Variants in BCAR1 observed in about 807,000 individuals in gnomAD.
BCAR1 encodes the protein breast cancer anti-estrogen resistance protein 1.
BCAR1 carries 30 observed loss-of-function variants against 67.6 expected under a neutral mutation model. The observed-to-expected ratio is 0.44, with a 90% CI of 0.33 to 0.60. BCAR1 has a LOEUF of 0.60. BCAR1 is among the 20% of genes least tolerant of loss of function. The probability of loss-of-function intolerance (pLI) is 0.02; values close to 1 mark genes in which losing one functional copy is unlikely to be tolerated. For synonymous variants in BCAR1, 626 were observed against 556.7 expected, an observed-to-expected ratio of 1.12 and a Z score of -1.75; for missense variants, 1,313 against 1,222.3, an observed-to-expected ratio of 1.07 and a Z score of -1.11.
intron 1 of BCAR1, chr16:75,249,509 C>CA (rs1454007003): frequency 6.6e-6 from 1 of 152,320 alleles, no homozygotes; most frequent in East Asian, 1.9e-4. Flanking sequence ...GAGGCTTGCC[C>CA]AGTGTCTTTG....
At chr16:75,251,368 C>G in intron 1 of BCAR1, 103 bp downstream of exon 1, 1 of 1,424,954 alleles carries the variant, frequency 7.0e-7, no homozygotes, top group Non-Finnish European at 9.3e-7. Context: ...CCGGCGGTTC[C>G]CAGGCCCCGC....
intron 1 of BCAR1, chr16:75,248,787 G>C (rs2077595791): frequency 6.5e-6 from 1 of 153,022 alleles, no homozygotes; most frequent in African/African-American, 2.4e-5. Context: ...GAGAGGATGA[G>C]GCCGGGAAGG....
At chr16:75,248,416 C>A in intron 1 of BCAR1, 3 of 1,111,082 alleles carry the variant, frequency 2.7e-6, no homozygotes, top group Non-Finnish European at 3.4e-6. Flanking sequence ...CCTCCGTGGC[C>A]AACGGATGCA....
upstream of BCAR1, among the ~76,000 whole-genome samples, chr16:75,256,515 G>A (rs368994436): frequency 1.9e-4 from 15 of 80,630 alleles, no homozygotes; most frequent in African/African-American, 6.3e-4. Flanking sequence ...CAGCACGGAT[G>A]GGGGGGGGTG....
At chr16:75,233,807 G>T in intron 6 of BCAR1, 39 bp downstream of exon 6, 2 of 1,553,766 alleles carry the variant, frequency 1.3e-6, no homozygotes, top group Non-Finnish European at 8.7e-7. Flanking sequence ...CAGGGGGTCA[G>T]CGGGCAAAGC....
Position 75,235,874 on chromosome 16 carries a change from G to A in BCAR1, c.1025C>T (p.Ala342Val). 3 of 1,563,296 alleles carry A rather than the reference G, an allele frequency of 1.9e-6. No homozygotes were observed. Among genetic ancestry groups the A allele is most frequent in the South Asian group, 2.3e-5 (2 of 85,920 alleles). The change falls in exon 5 of 7, where the codon GCC (alanine) becomes GTC (valine). Residue 342 changes from alanine to valine, a missense_variant. By Grantham distance (64) the Ala-to-Val change is moderately conservative. This residue lies in a region of BCAR1 where 1,272 missense variants were observed against 1,137.5 expected (regional missense o/e 1.12). Coordinates refer to ENST00000162330, the MANE Select transcript of BCAR1 (RefSeq NM_014567.5). ...CGCAGCCAGTACCAGTGGGGTGCGG[G>A]CCGGGTCAAAGGGCTTGGCCTTGGC... ...AFAKAKPFDP[A>V]RTPLVLAAPP...
rs747009517 is a variant in BCAR1, at chr16:75,237,168, G to A, written c.795+15C>T. ...TGCCGCCCTGCCCTCCCACCGCTGC[G>A]CACCCCACACCTACCTCCTGGCCAT... is the stretch of plus-strand genomic sequence containing the variant. On this transcript the variant is annotated intron_variant, in intron 3 of 6. Coordinates refer to ENST00000162330, the MANE Select transcript of BCAR1 (RefSeq NM_014567.5). 6.2e-5 allele frequency: 96 copies of A among 1,546,912 alleles called. No homozygotes were observed. In the Middle Eastern group the frequency reaches 2.5e-3, roughly 40 times the overall value.
In BCAR1 at chr16:75,237,177, A is replaced by G; in HGVS notation, c.795+6T>C. ...GCCCTCCCACCGCTGCGCACCCCAC[A>G]CCTACCTCCTGGCCATACTGGCTGG... On this transcript the variant is annotated splice_donor_region_variant and intron_variant, in intron 3 of 6. Coordinates refer to ENST00000162330, the MANE Select transcript of BCAR1 (RefSeq NM_014567.5). The G allele has an allele frequency of 6.4e-7, 1 of 1,568,236 alleles. No individual in the cohort carries two copies. Among genetic ancestry groups the G allele is most frequent in the Non-Finnish European group, 8.6e-7 (1 of 1,159,894 alleles).
intron 4 of BCAR1, 103 bp from the exon 5 acceptor site, chr16:75,236,089 C>A: frequency 7.1e-7 from 1 of 1,408,160 alleles, no homozygotes; most frequent in Non-Finnish European, 9.4e-7. Flanking sequence ...TACACACATA[C>A]AGACACACAC....
At chr16:75,265,948 T>C in intron 1 of BCAR1, 3 of 1,083,312 alleles carry the variant, frequency 2.8e-6, no homozygotes, top group Non-Finnish European at 3.4e-6. Flanking sequence ...TTCCGGCTCC[T>C]CCGGCTCCTG....
rs1217765840 is a variant in BCAR1 at position 75,251,483 on chromosome 16, G to C, written c.-1C>G. On this transcript the variant is annotated 5_prime_UTR_variant, in exon 1 of 7. Coordinates refer to ENST00000162330, the MANE Select transcript of BCAR1 (RefSeq NM_014567.5). The stretch of plus-strand genomic sequence containing the variant: ...CTGGCGCCCTCACCAGGTGGTTCAT[G>C]GTGTCCGGCGGGCCTGGGGCCCCGG... 2.3e-5 allele frequency: 33 copies of C among 1,405,910 alleles called. No homozygotes were observed. The highest frequency in any genetic ancestry group is 1.3e-4 in the South Asian group (9 of 67,134). The allele number at this position is 1,405,910 out of a possible 1,614,324, so 87.1% of individuals were successfully genotyped here.
chr16:75,264,338 T>C (rs1207579908), intron 1 of BCAR1: 1 of 1,506,356 alleles, frequency 6.6e-7, no homozygotes, highest in Non-Finnish European at 8.8e-7. Context: ...TAATCACTAC[T>C]GCCCTGGGAT....
intron 1 of BCAR1, chr16:75,263,543 C>T (rs1567627072): frequency 9.1e-6 from 9 of 985,360 alleles, no homozygotes; most frequent in Non-Finnish European, 1.1e-5. Flanking sequence ...GCATGTGAGT[C>T]AAATGACAAG....
chr16:75,252,188 G>C, upstream of BCAR1: 1 of 1,536,190 alleles, frequency 6.5e-7, no homozygotes, highest in Non-Finnish European at 8.7e-7. Flanking sequence ...CTCAAGCAGG[G>C]AGGCTGGCGA....
upstream of BCAR1, among the ~76,000 whole-genome samples, chr16:75,255,064 A>C (rs1220956060): frequency 2.0e-5 from 3 of 152,252 alleles, no homozygotes; most frequent in African/African-American, 7.2e-5. Context: ...ATCAATGCTA[A>C]TTCTAGGGGA....
rs1022583548 is a variant in BCAR1, at chr16:75,229,224, G to C, written c.*287C>G. 5 of 376,598 alleles carry C rather than the reference G, an allele frequency of 1.3e-5. No homozygotes were observed. The highest frequency in any genetic ancestry group is 2.4e-5 in the Non-Finnish European group (5 of 211,730). The allele number at this position is 376,598 out of a possible 1,614,324, so 23.3% of individuals were successfully genotyped here. A position where few individuals can be genotyped will look rare whatever the true frequency, so the allele number is the denominator to read the frequency against. On this transcript the variant is annotated 3_prime_UTR_variant, in exon 7 of 7. Coordinates refer to ENST00000162330, the MANE Select transcript of BCAR1 (RefSeq NM_014567.5). ...CTCGGGGTGGCACGAGGTCCTGCAG[G>C]CTGCAGGACCCTCACACTCCAGCCC...
intron 4 of BCAR1, 157 bp downstream of exon 4, chr16:75,236,725 T>C: frequency 7.6e-7 from 1 of 1,309,588 alleles, no homozygotes; most frequent in Non-Finnish European, 9.8e-7. Flanking sequence ...GACAGCTTGA[T>C]TTCCTCATCT....
upstream of BCAR1, among the ~76,000 whole-genome samples, chr16:75,253,752 G>A (rs577302358): frequency 3.3e-5 from 5 of 151,426 alleles, no homozygotes; most frequent in South Asian, 1.1e-3. Flanking sequence ...GGGGGGTGGG[G>A]GAGGAGCACC....
At chr16:75,242,402 T>C (rs2077374663) in intron 2 of BCAR1, 68 bp downstream of exon 2, 2 of 1,337,244 alleles carry the variant, frequency 1.5e-6, no homozygotes, top group East Asian at 5.5e-5. Context: ...GCTGGACCCT[T>C]CTGTGCCCAC....
Sources: gnomAD v4.1 joint callset for allele counts (sites outside exome capture counted in the v4.1 genomes callset) on GRCh38, gnomAD v4.1.1 for gene constraint, gnomAD v4.1.1 regional missense constraint, MANE v1.5 for transcripts, NCBI Gene and HGNC (gene_info 2026-07-23, HGNC 2026-07-21) for gene names.